CCDC85A: variants seen among roughly 807,000 people sequenced by gnomAD.
The protein encoded by CCDC85A is coiled-coil domain-containing protein 85A.
CCDC85A carries 38 observed loss-of-function variants against 50.2 expected under a neutral mutation model. That is an observed-to-expected ratio of 0.76 (90% CI 0.58 to 0.99). The LOEUF is 0.99. Ranked by LOEUF, CCDC85A falls within the 50% of genes least tolerant of loss-of-function variation. CCDC85A has a pLI of 0.00. For missense variants in CCDC85A, 820 were observed against 742.0 expected (o/e 1.11, Z -1.22); for synonymous variants, 366 against 301.4 (o/e 1.21, Z -2.22).
intron 2 of CCDC85A, among the ~76,000 whole-genome samples, chr2:56,295,149 A>G (rs543450142): frequency 5.3e-5 from 8 of 152,168 alleles, no homozygotes; most frequent in African/African-American, 9.6e-5. Flanking sequence ...TTTAATTTTA[A>G]TGAATCAGAC....
chr2:56,285,501 T>A (rs367655581), intron 2 of CCDC85A, among the ~76,000 whole-genome samples: 13 of 137,830 alleles, frequency 9.4e-5, no homozygotes, highest in African/African-American at 2.5e-4. Flanking sequence ...TTAATAATAT[T>A]ATTATAGTAT....
intron 2 of CCDC85A, among the ~76,000 whole-genome samples, chr2:56,294,412 C>T (rs555112218): frequency 8.5e-4 from 130 of 152,266 alleles, no homozygotes; most frequent in Non-Finnish European, 1.6e-3. Context: ...AACAAACCTG[C>T]GCGTCCTGCA....
chr2:56,196,141 A>C (rs1442609351), intron 2 of CCDC85A, among the ~76,000 whole-genome samples: 4 of 152,226 alleles, frequency 2.6e-5, no homozygotes, highest in Non-Finnish European at 1.5e-5. Flanking sequence ...TCTTAAAAAC[A>C]TCTTAAGTCT....
intron 3 of CCDC85A, among the ~76,000 whole-genome samples, chr2:56,362,543 A>T (rs1256620801): frequency 6.6e-6 from 1 of 152,030 alleles, no homozygotes; most frequent in African/African-American, 2.4e-5. Flanking sequence ...AAAGATGGAG[A>T]AGGAGAGAGG....
chr2:56,203,771 A>G (rs1432882705), intron 2 of CCDC85A, among the ~76,000 whole-genome samples: 1 of 152,188 alleles, frequency 6.6e-6, no homozygotes, highest in East Asian at 1.9e-4. Flanking sequence ...GGCAATGAAA[A>G]ACAATTTTAT....
chr2:56,380,657 T>C (rs755879667), intron 5 of CCDC85A, among the ~76,000 whole-genome samples: 16 of 151,058 alleles, frequency 1.1e-4, no homozygotes, highest in Admixed American at 2.0e-4. Flanking sequence ...AATAAAGATA[T>C]GTTATTTTCA....
intron 2 of CCDC85A, among the ~76,000 whole-genome samples, chr2:56,218,269 A>T (rs994608351): frequency 1.3e-5 from 2 of 151,848 alleles, no homozygotes; most frequent in African/African-American, 4.8e-5. Context: ...CAATATTTTA[A>T]AGCAGAACTA....
chr2:56,197,791 T>G (rs1295760539), intron 2 of CCDC85A, among the ~76,000 whole-genome samples: 2 of 152,178 alleles, frequency 1.3e-5, no homozygotes, highest in East Asian at 3.9e-4. Flanking sequence ...ACATACTATC[T>G]GGGGATATGG....
rs200423664 is a variant in CCDC85A, at chr2:56,193,234, G to C, written c.1034G>C (p.Gly345Ala). ...GAGCATCTTCAGAAACACGCTCTTGGGGGGAGCCTAGAGCATCTCCCCAGA... is the reference window on the plus strand; with the variant it reads ...GAGCATCTTCAGAAACACGCTCTTGCGGGGAGCCTAGAGCATCTCCCCAGA... The part of the protein sequence containing the change: ...SPEHLQKHAL[G>A]GSLEHLPRAR... Residue 345 changes from glycine (G) to alanine (A), a missense_variant, in exon 2 of 6, where the codon GGG becomes GCG. By Grantham distance (60) the Gly-to-Ala change is moderately conservative. Coordinates refer to ENST00000407595, the MANE Select transcript of CCDC85A (RefSeq NM_001080433.2). 178 of 1,613,580 alleles carry C rather than the reference G, an allele frequency of 1.1e-4. 1 individual carries two copies. The highest frequency in any genetic ancestry group is 8.1e-4 in the African/African-American group (61 of 74,900).
chr2:56,200,709 A>G (rs190239329), intron 2 of CCDC85A, among the ~76,000 whole-genome samples: 48 of 152,322 alleles, frequency 3.2e-4, no homozygotes, highest in African/African-American at 1.1e-3. Context: ...TATAAAGGCA[A>G]TACTGGTTTG....
intron 2 of CCDC85A, among the ~76,000 whole-genome samples, chr2:56,294,122 A>T (rs145419820): frequency 6.0e-4 from 92 of 152,334 alleles, no homozygotes; most frequent in African/African-American, 2.0e-3. Context: ...ATGGAATGAG[A>T]TCATGTCCAT....
At chr2:56,362,477 G>A (rs975628126) in intron 3 of CCDC85A, among the ~76,000 whole-genome samples, 1 of 151,860 alleles carries the variant, frequency 6.6e-6, no homozygotes, top group Non-Finnish European at 1.5e-5. Flanking sequence ...ATCAATGAAT[G>A]CTGAGGGAAA....
intron 2 of CCDC85A, among the ~76,000 whole-genome samples, chr2:56,221,255 G>T (rs1306031072): frequency 1.3e-5 from 2 of 151,970 alleles, no homozygotes; most frequent in Non-Finnish European, 2.9e-5. Flanking sequence ...ATGCATTTTG[G>T]TCTCATCATG....
intron 2 of CCDC85A, among the ~76,000 whole-genome samples, chr2:56,311,369 T>C (rs1297788294): frequency 6.6e-6 from 1 of 152,144 alleles, no homozygotes; most frequent in Non-Finnish European, 1.5e-5. Context: ...AAACATAGGA[T>C]TTTGGCTTTT....
chr2:56,306,836 A>C lies in CCDC85A; in HGVS notation c.1241-36043A>C, dbSNP rs1672468966. ...AGTGCCTTATCCTGTCAGACGAGAC[A>C]ATCTAGTAGGATACTGCCAGACTTG... On this transcript the variant is annotated intron_variant, in intron 2 of 5. Coordinates refer to ENST00000407595, the MANE Select transcript of CCDC85A (RefSeq NM_001080433.2). Among the ~76,000 whole-genome samples the C allele has an allele frequency of 2.0e-5, 3 of 152,192 alleles. No homozygotes were observed. The South Asian group carries it at 6.2e-4, about 31-fold the overall frequency.
At chr2:56,353,501 A>T (rs556519328) in intron 3 of CCDC85A, among the ~76,000 whole-genome samples, 63 of 152,366 alleles carry the variant, frequency 4.1e-4, no homozygotes, top group African/African-American at 1.5e-3. Context: ...AGGTGTAAAT[A>T]AAAGCTTGGG....
intron 2 of CCDC85A, among the ~76,000 whole-genome samples, chr2:56,237,093 A>T (rs370089346): frequency 3.9e-4 from 60 of 152,180 alleles, no homozygotes; most frequent in African/African-American, 1.4e-3. Flanking sequence ...TTATTTAGGC[A>T]TTTTTCTTAT....
rs1031380173 is a variant in CCDC85A at position 56,212,775 on chromosome 2, A to G, written c.1240+19335A>G. On this transcript the variant is annotated intron_variant, in intron 2 of 5. Coordinates refer to ENST00000407595, the MANE Select transcript of CCDC85A (RefSeq NM_001080433.2). Reference sequence around the variant, plus strand: ...AATCACCTGGTATAGTGAGAGAGACATGAGCTTTGGAGCCACGCACACCCT... The same window carrying G: ...AATCACCTGGTATAGTGAGAGAGACGTGAGCTTTGGAGCCACGCACACCCT... Among the ~76,000 whole-genome samples, 14 of 152,078 alleles carry G rather than the reference A, an allele frequency of 9.2e-5. No homozygotes were observed. The South Asian group carries it at 2.7e-3, about 29-fold the overall frequency.
chr2:56,377,464 G>A (rs1453784598), intron 5 of CCDC85A, among the ~76,000 whole-genome samples: 1 of 152,148 alleles, frequency 6.6e-6, no homozygotes, highest in African/African-American at 2.4e-5. Flanking sequence ...AGCCATTTCA[G>A]CCTGTTGCCT....
Sources: gnomAD v4.1 joint callset for allele counts (sites outside exome capture counted in the v4.1 genomes callset) on GRCh38, gnomAD v4.1.1 for gene constraint, MANE v1.5 for transcripts, NCBI Gene and HGNC (gene_info 2026-07-23, HGNC 2026-07-21) for gene names.